Variants in PC observed in about 807,000 individuals in gnomAD.
PC encodes pyruvate carboxylase, mitochondrial.
In PC, 46 loss-of-function variants were observed where a neutral mutation model predicts 107.8. The ratio of observed to expected loss-of-function variants is 0.43; its 90% CI spans 0.34 to 0.55. The LOEUF (loss-of-function observed/expected upper bound fraction) is 0.55. PC is among the 20% of genes least tolerant of loss of function. The pLI is 0.04. For missense variants in PC, 1,241 were observed against 1,643.1 expected (o/e 0.76, Z 4.23); for synonymous variants, 662 against 684.7 (o/e 0.97, Z 0.52).
At chr11:66,953,320 A>G (rs1949481746) in intron 2 of PC, among the ~76,000 whole-genome samples, 1 of 152,152 alleles carries the variant, frequency 6.6e-6, no homozygotes, top group Non-Finnish European at 1.5e-5. Flanking sequence ...CTCTCACTCC[A>G]CAACTTGAAA....
intron 10 of PC, among the ~76,000 whole-genome samples, chr11:66,867,760 C>A (rs1349027880): frequency 1.6e-4 from 25 of 152,246 alleles, no homozygotes; most frequent in Admixed American, 1.6e-3. Context: ...GACCCAAGAC[C>A]GAGGAGTTCA....
intron 3 of PC, among the ~76,000 whole-genome samples, chr11:66,938,396 T>C (rs1438844990): frequency 6.6e-6 from 1 of 152,170 alleles, no homozygotes; most frequent in Non-Finnish European, 1.5e-5. Flanking sequence ...CAGCAATCTA[T>C]ATCTCATATG....
chr11:66,894,806 G>T (rs146931802), intron 3 of PC, among the ~76,000 whole-genome samples: 7,590 of 152,292 alleles, frequency 0.05, 306 homozygotes, highest in East Asian at 0.11. Flanking sequence ...TGGATCACCT[G>T]AGGTCAGGAG....
chr11:66,860,541 T>G, intron 12 of PC: 1 of 700,914 alleles, frequency 1.4e-6, no homozygotes, highest in East Asian at 2.7e-5. Context: ...GGGCCGCTGG[T>G]GGCACACGGA....
Position 66,877,412 on chromosome 11 carries a change from G to A in PC, c.1-5253C>T, listed in dbSNP as rs575112687. The stretch of plus-strand genomic sequence containing the variant: ...AAAACAAAACAAAACAAAAAAAGCC[G>A]GGCACAGTGGCTGACGCCTGTAATC... On this transcript the variant is annotated intron_variant, in intron 3 of 22. Transcript: ENST00000393960. 5.3e-5 allele frequency among the ~76,000 whole-genome samples: 8 copies of A among 152,050 alleles called. No homozygotes were observed. In the East Asian group the frequency reaches 7.8e-4, roughly 15 times the overall value.
In PC at chr11:66,848,660, A is replaced by C; in HGVS notation, c.*239T>G. ...ACCTGACCCACCACTTGTAGTCTCCAGTGAGGAGGGGACCCTTATTTGGCA... is the reference window on the plus strand; with the variant it reads ...ACCTGACCCACCACTTGTAGTCTCCCGTGAGGAGGGGACCCTTATTTGGCA... On this transcript the variant is annotated 3_prime_UTR_variant, in exon 23 of 23. Transcript: ENST00000393960. 6.4e-6 allele frequency: 4 copies of C among 621,212 alleles called. No individual in the cohort carries two copies. The highest frequency in any genetic ancestry group is 1.1e-5 in the Non-Finnish European group (4 of 349,956). The allele number at this position is 621,212 out of a possible 1,614,324, so 38.5% of individuals were successfully genotyped here.
intron 3 of PC, among the ~76,000 whole-genome samples, chr11:66,933,014 A>T (rs1269693275): frequency 6.6e-6 from 1 of 152,200 alleles, no homozygotes; most frequent in African/African-American, 2.4e-5. Flanking sequence ...TAAAAAATCC[A>T]ACGGAAAACC....
At position 66,944,915 on chromosome 11, in the gene PC, T is replaced by C. The variant is rs568661839; in HGVS notation, c.-1+7515A>G. Among the ~76,000 whole-genome samples, 39 of 117,604 alleles carry C rather than the reference T, an allele frequency of 3.3e-4. 12 individuals are homozygous for C. Among genetic ancestry groups the C allele is most frequent in the Non-Finnish European group, 6.8e-4 (36 of 52,766 alleles). The allele number at this position is 117,604 out of a possible 152,430, so 77.2% of individuals were successfully genotyped here. A position where few individuals can be genotyped will look rare whatever the true frequency, so the allele number is the denominator to read the frequency against. On this transcript the variant is annotated intron_variant, in intron 3 of 22. Transcript: ENST00000393960. ...ACAAGCTTCCTGGGGCCATACCCAG[T>C]GACCAGGACAGGAATGCAATTCTGC...
At chr11:66,918,653 G>A (rs1379296862) in intron 3 of PC, among the ~76,000 whole-genome samples, 1 of 151,964 alleles carries the variant, frequency 6.6e-6, no homozygotes, top group African/African-American at 2.4e-5. Context: ...GATTACAGAC[G>A]TGAGCCACCA....
rs1482873919 is a variant in PC at position 66,858,822 on chromosome 11, G to A, written c.1368+4952C>T. 1 of 1,549,960 alleles carries A rather than the reference G, an allele frequency of 6.5e-7. No individual in the cohort carries two copies. Among genetic ancestry groups the A allele is most frequent in the Non-Finnish European group, 8.7e-7 (1 of 1,148,292 alleles). ...CATCGCCACCAACCCTGCTGGTGAG[G>A]CCACAGCCCGAGTAGAACTGCGGGT... On this transcript the variant is annotated intron_variant, in intron 12 of 22. Transcript: ENST00000393960. The surrounding 1 kb of genome is among the most constrained non-coding windows in gnomAD (Gnocchi z 5.9).
chr11:66,863,702 GT>G, intron 12 of PC, 71 bp downstream of exon 12: 1 of 1,493,728 alleles, frequency 6.7e-7, no homozygotes, highest in African/African-American at 1.4e-5. Flanking sequence ...AAGGCCCTTG[GT>G]GGGGAAGTGA....
At chr11:66,862,319 G>T (rs1446090861) in intron 12 of PC, among the ~76,000 whole-genome samples, 3 of 152,208 alleles carry the variant, frequency 2.0e-5, no homozygotes, top group Non-Finnish European at 4.4e-5. Context: ...GTGGGAGACA[G>T]GCTGGCCACA....
chr11:66,849,347 C>T lies in PC; in HGVS notation c.3171G>A (p.Thr1057=), dbSNP rs147550265. The change falls in exon 22 of 23, where the codon ACG becomes ACA. Residue 1057 remains threonine (T), a synonymous_variant. Coordinates refer to ENST00000393960, the MANE Select transcript of PC (RefSeq NM_001040716.2). ...TCACGGCCAGGGCTTTGATGTGCAG[C>T]GTCTTGCCCCGCTCCAGCTCCACCT... ...EFEVELERGK[T]LHIKALAVSD... The T allele has an allele frequency of 3.8e-5, 61 of 1,613,120 alleles. No homozygotes were observed. The highest frequency in any genetic ancestry group is 4.6e-5 in the Non-Finnish European group (54 of 1,180,036).
At chr11:66,896,980 G>C (rs1404911005) in intron 3 of PC, among the ~76,000 whole-genome samples, 3 of 152,128 alleles carry the variant, frequency 2.0e-5, no homozygotes, top group Non-Finnish European at 4.4e-5. Flanking sequence ...CGCCCAGGCT[G>C]GAGTGCAGTG....
chr11:66,864,525 C>A (rs1946411720), intron 11 of PC, among the ~76,000 whole-genome samples: 1 of 152,254 alleles, frequency 6.6e-6, no homozygotes, highest in Admixed American at 6.5e-5. Flanking sequence ...AACATCCACC[C>A]ATGCTCCCTT....
intron 3 of PC, among the ~76,000 whole-genome samples, chr11:66,900,178 GT>G (rs71045968): frequency 4.7e-4 from 50 of 107,400 alleles, no homozygotes; most frequent in African/African-American, 1.2e-3. Flanking sequence ...CTCCAACGTT[GT>G]TTTTTTTTTT....
intron 3 of PC, among the ~76,000 whole-genome samples, chr11:66,895,205 G>A (rs574190666): frequency 6.6e-6 from 1 of 152,074 alleles, no homozygotes. Flanking sequence ...AAAAATGGGG[G>A]TGGCAGGTTA....
In PC at chr11:66,870,531, C is replaced by T. The variant is rs919428485; in HGVS notation, c.752-78G>A. The T allele has an allele frequency of 3.3e-6, 5 of 1,514,696 alleles. No homozygotes were observed. The African/African-American group carries it at 6.8e-5, about 21-fold the overall frequency. The allele number at this position is 1,514,696 out of a possible 1,614,324, so 93.8% of individuals were successfully genotyped here. ...TAAATGCCCCATCACCCCCACATAA[C>T]CACTGTCGCCAGTCAGTGCCGGCTG... On this transcript the variant is annotated intron_variant, in intron 8 of 22. Transcript: ENST00000393960. The surrounding 1 kb of genome is among the most constrained non-coding windows in gnomAD (Gnocchi z 6.1).
intron 12 of PC, among the ~76,000 whole-genome samples, chr11:66,855,224 A>G (rs767636707): frequency 3.3e-5 from 5 of 152,256 alleles, no homozygotes; most frequent in Admixed American, 3.3e-4. Context: ...TGTAAGCTCT[A>G]TGGGGGCAGG....
Sources: gnomAD v4.1 joint callset for allele counts (sites outside exome capture counted in the v4.1 genomes callset) on GRCh38, gnomAD v4.1.1 for gene constraint, Gnocchi (gnomAD v3.1) non-coding constraint, MANE v1.5 for transcripts, NCBI Gene and HGNC (gene_info 2026-07-23, HGNC 2026-07-21) for gene names.